PRR11: variants seen among roughly 807,000 people sequenced by gnomAD.
PRR11 encodes the protein proline rich 11, also known as proline-rich protein 11.
Under a neutral mutation model 45.6 loss-of-function variants are expected in PRR11, and 30 were observed. The ratio of observed to expected loss-of-function variants is 0.66; its 90% CI spans 0.49 to 0.89. The LOEUF is 0.89. Among genes scored for constraint, PRR11 ranks in the 40% least tolerant of loss-of-function variants. The pLI is 0.00. For synonymous variants in PRR11, 128 were observed against 153.5 expected, an observed-to-expected ratio of 0.83 and a Z score of 1.23; for missense variants, 373 against 424.8, an observed-to-expected ratio of 0.88 and a Z score of 1.07.
rs2046919294 is a variant in PRR11 at position 59,206,596 on chromosome 17, C to T, written c.*4965C>T. On this transcript the variant is annotated 3_prime_UTR_variant, in exon 10 of 10. Transcript: ENST00000262293. Reference sequence around the variant, plus strand: ...TCCTTAAACTACGATTTATCATATGCTCCCAGTGTTTACTTTGAGACTGAA... The same window carrying T: ...TCCTTAAACTACGATTTATCATATGTTCCCAGTGTTTACTTTGAGACTGAA... Among the ~76,000 whole-genome samples, 2 of 152,194 alleles carry T rather than the reference C, an allele frequency of 1.3e-5. No homozygotes were observed. The highest frequency in any genetic ancestry group is 1.3e-4 in the Admixed American group (2 of 15,258).
At chr17:59,199,513 C>T (rs773296493) in intron 9 of PRR11, among the ~76,000 whole-genome samples, 4 of 152,202 alleles carry the variant, frequency 2.6e-5, no homozygotes, top group Non-Finnish European at 5.9e-5. Context: ...CCCAGTAGAT[C>T]AGCTGGCCCT....
chr17:59,182,037 T>G (rs974092190), intron 2 of PRR11, among the ~76,000 whole-genome samples: 24 of 151,564 alleles, frequency 1.6e-4, no homozygotes, highest in South Asian at 4.1e-4. Flanking sequence ...TTTTTTTTTT[T>G]TTTGTTTCGA....
At chr17:59,176,674 GT>G in intron 2 of PRR11, among the ~76,000 whole-genome samples, 1 of 107,510 alleles carries the variant, frequency 9.3e-6, no homozygotes, top group East Asian at 2.6e-4. Context: ...TTGGAATTTG[GT>G]TTTTTTGGCT....
chr17:59,179,754 C>T (rs1158748299), intron 2 of PRR11: 3 of 1,395,018 alleles, frequency 2.2e-6, no homozygotes, highest in Admixed American at 3.4e-5. Context: ...ACCCAGGTCT[C>T]CTCAGGCTCA....
At chr17:59,184,089 A>G (rs1048211483) in intron 2 of PRR11, among the ~76,000 whole-genome samples, 3 of 152,210 alleles carry the variant, frequency 2.0e-5, no homozygotes, top group East Asian at 1.9e-4. Context: ...TAGGCAACAC[A>G]GCAAGACGTT....
Position 59,185,188 on chromosome 17 carries a change from A to G in PRR11, c.263A>G (p.Gln88Arg). 8 of 1,614,048 alleles carry G rather than the reference A, an allele frequency of 5.0e-6. No homozygotes were observed. Among genetic ancestry groups the G allele is most frequent in the Non-Finnish European group, 5.9e-6 (7 of 1,179,992 alleles). Residue 88 changes from glutamine to arginine, a missense_variant, in exon 3 of 10, where the codon CAG (glutamine) becomes CGG (arginine). Coordinates refer to ENST00000262293, the MANE Select transcript of PRR11 (RefSeq NM_018304.4). ...GTATGGTCTATATACAGCTGGTGCC[A>G]GAACTGCATAACCCAGGTATGGATG... is the stretch of plus-strand genomic sequence containing the variant. ...NRVWSIYSWC[Q>R]NCITQSLEVL...
At chr17:59,177,188 T>C (rs2046752181) in intron 2 of PRR11, 2 of 548,394 alleles carry the variant, frequency 3.6e-6, no homozygotes, top group Admixed American at 1.9e-5. Context: ...AATAAATGAA[T>C]GCATTGGTAT....
Position 59,204,539 on chromosome 17 carries a change from C to CAAAAATAAAAT in PRR11, c.*2918_*2919insTAAAAATAAAA, listed in dbSNP as rs1326466635. On this transcript the variant is annotated 3_prime_UTR_variant, in exon 10 of 10. Coordinates refer to ENST00000262293, the MANE Select transcript of PRR11 (RefSeq NM_018304.4). ...CAACATGGTGAAACCCCGTCTCTAC[C>CAAAAATAAAAT]AAAAATAAAAATAAAAATTATCCAG... 51 of 150,710 alleles carry CAAAAATAAAAT rather than the reference C, an allele frequency of 3.4e-4. No homozygotes were observed. The highest frequency in any genetic ancestry group is 1.2e-3 in the African/African-American group (50 of 41,028). The allele number at this position is 150,710 out of a possible 1,614,324, so 9.3% of individuals were successfully genotyped here. A position where few individuals can be genotyped will look rare whatever the true frequency, so the allele number is the denominator to read the frequency against.
At chr17:59,157,521 G>A (rs2046631884) in intron 1 of PRR11, among the ~76,000 whole-genome samples, 1 of 152,064 alleles carries the variant, frequency 6.6e-6, no homozygotes, top group Non-Finnish European at 1.5e-5. Context: ...GGCCAACATG[G>A]CAAAATCCCA....
chr17:59,201,525 A>G, intron 9 of PRR11, 38 bp from the exon 10 acceptor site: 2 of 1,584,370 alleles, frequency 1.3e-6, no homozygotes, highest in Non-Finnish European at 8.6e-7. Context: ...TCACAGGAAT[A>G]TAATTGATAT....
chr17:59,179,775 C>T, intron 2 of PRR11: 3 of 1,376,110 alleles, frequency 2.2e-6, no homozygotes, highest in Non-Finnish European at 2.0e-6. Flanking sequence ...GGGGCGAGCT[C>T]CTTCTCTGGC....
At position 59,197,578 on chromosome 17, in the gene PRR11, C is replaced by G; in HGVS notation, c.892C>G (p.Leu298Val). 6.2e-7 allele frequency: 1 copy of G among 1,613,982 alleles called. No individual in the cohort carries two copies. The highest frequency in any genetic ancestry group is 8.5e-7 in the Non-Finnish European group (1 of 1,179,872). Residue 298 changes from leucine to valine, a missense_variant, in exon 8 of 10, where the codon CTG becomes GTG. Coordinates refer to ENST00000262293, the MANE Select transcript of PRR11 (RefSeq NM_018304.4). ...AAAAAGTCAGATGGATCTGCGGAAA[C>G]TGCTTAGAAAAGTCGATGTAGAGAG... ...PGKSQMDLRK[L>V]LRKVDVERSP...
chr17:59,189,955 C>T (rs540426509), intron 4 of PRR11, among the ~76,000 whole-genome samples: 72 of 151,730 alleles, frequency 4.7e-4, no homozygotes, highest in Non-Finnish European at 9.0e-4. Context: ...GCCTGGGCAA[C>T]ATAGTGAGAC....
At chr17:59,173,064 G>A (rs897389756) in intron 2 of PRR11, among the ~76,000 whole-genome samples, 24 of 152,202 alleles carry the variant, frequency 1.6e-4, no homozygotes, top group African/African-American at 2.4e-5. Context: ...TATCTAGCTC[G>A]AGGTTTGTAA....
At chr17:59,189,117 G>C (rs911772168) in intron 4 of PRR11, among the ~76,000 whole-genome samples, 2 of 151,548 alleles carry the variant, frequency 1.3e-5, no homozygotes, top group Admixed American at 6.6e-5. Flanking sequence ...TAGCCAACAT[G>C]ATGAAACCCC....
At chr17:59,160,362 CT>C (rs1433384403) in intron 1 of PRR11, among the ~76,000 whole-genome samples, 1 of 152,132 alleles carries the variant, frequency 6.6e-6, no homozygotes, top group African/African-American at 2.4e-5. Flanking sequence ...TATACTTCCT[CT>C]TGTTGTTTGT....
intron 7 of PRR11, among the ~76,000 whole-genome samples, chr17:59,195,689 T>A (rs573555812): frequency 1.3e-5 from 2 of 152,334 alleles, no homozygotes; most frequent in South Asian, 4.1e-4. Flanking sequence ...CTAGTCTTTT[T>A]CTGGGCATAT....
chr17:59,205,535 C>G lies in PRR11; in HGVS notation c.*3904C>G, dbSNP rs2046913640. Reference sequence around the variant, plus strand: ...TGGCCAACATGGTGAAACCCTGTCTCTACTAAAAATACAAAAATTAGCCGG... The same window carrying G: ...TGGCCAACATGGTGAAACCCTGTCTGTACTAAAAATACAAAAATTAGCCGG... On this transcript the variant is annotated 3_prime_UTR_variant, in exon 10 of 10. Coordinates refer to ENST00000262293, the MANE Select transcript of PRR11 (RefSeq NM_018304.4). 9.3e-6 allele frequency among the ~76,000 whole-genome samples: 1 copy of G among 107,204 alleles called. No homozygotes were observed. The highest frequency in any genetic ancestry group is 8.6e-5 in the Admixed American group (1 of 11,574). 70.3% of individuals were successfully genotyped at this position (107,204 alleles called of 152,430 possible). A position where few individuals can be genotyped will look rare whatever the true frequency, so the allele number is the denominator to read the frequency against.
At chr17:59,173,984 C>A (rs2046727702) in intron 2 of PRR11, among the ~76,000 whole-genome samples, 1 of 152,146 alleles carries the variant, frequency 6.6e-6, no homozygotes, top group African/African-American at 2.4e-5. Context: ...TTATTCACGT[C>A]CCACATCAAG....
Sources: allele counts gnomAD v4.1 joint callset (sites outside exome capture counted in the v4.1 genomes callset), GRCh38; gene constraint gnomAD v4.1.1; transcripts MANE v1.5; gene names NCBI Gene and HGNC (gene_info 2026-07-23, HGNC 2026-07-21).